Variants in PCDHGA6 observed in about 807,000 individuals in gnomAD.
PCDHGA6 encodes protocadherin gamma-A6.
PCDHGA6 carries 41 observed loss-of-function variants against 60.6 expected under a neutral mutation model. That is an observed-to-expected ratio of 0.68 (90% CI 0.53 to 0.88). PCDHGA6 has a LOEUF of 0.88. Ranked by LOEUF, PCDHGA6 falls within the 40% of genes least tolerant of loss-of-function variation. The pLI is 0.00. For missense variants in PCDHGA6, 1,312 were observed against 1,203.0 expected (o/e 1.09, Z -1.34); for synonymous variants, 594 against 524.4 (o/e 1.13, Z -1.81).
chr5:141,445,075 A>G (rs1251499929), intron 1 of PCDHGA6, among the ~76,000 whole-genome samples: 1 of 152,170 alleles, frequency 6.6e-6, no homozygotes, highest in East Asian at 1.9e-4. Context: ...TTCTCATTAA[A>G]TTGTCCCTAC....
chr5:141,418,372 A>T (rs771262387), intron 1 of PCDHGA6: 25 of 1,613,968 alleles, frequency 1.5e-5, no homozygotes, highest in Non-Finnish European at 2.1e-5. Flanking sequence ...GCAAATACCA[A>T]CTAAGTCCTA....
intron 1 of PCDHGA6, among the ~76,000 whole-genome samples, chr5:141,381,826 C>CTTCTTTTTTT (rs1777532522): frequency 3.1e-4 from 23 of 74,294 alleles, no homozygotes; most frequent in African/African-American, 1.4e-3. Context: ...CTTTCTTCTT[C>CTTCTTTTTTT]TTTTTTTTTT....
intron 1 of PCDHGA6, among the ~76,000 whole-genome samples, chr5:141,468,064 C>T (rs1026571562): frequency 3.3e-5 from 5 of 152,076 alleles, no homozygotes; most frequent in Non-Finnish European, 7.4e-5. Flanking sequence ...GTGGCTCACA[C>T]CTGTAATCCC....
chr5:141,393,656 C>T (rs762750239), intron 1 of PCDHGA6: 2 of 1,613,868 alleles, frequency 1.2e-6, no homozygotes, highest in East Asian at 4.5e-5. Context: ...CATACAAATT[C>T]CGGAAAATTA....
In PCDHGA6 at chr5:141,432,262, A is replaced by G; in HGVS notation, c.2424+55755A>G. 1.9e-6 allele frequency: 3 copies of G among 1,614,222 alleles called. No homozygotes were observed. Among genetic ancestry groups the G allele is most frequent in the Non-Finnish European group, 2.5e-6 (3 of 1,180,036 alleles). On this transcript the variant is annotated intron_variant, in intron 1 of 3. Coordinates refer to ENST00000517434, the MANE Select transcript of PCDHGA6 (RefSeq NM_018919.3). This position sits in a 1 kb window ranked among gnomAD's most constrained non-coding sequence, Gnocchi z 6.0. ...AGAACACCATCCAAGGGGCAAGCCT[A>G]TCGTCCTACGTGTCCATCAACTCCG...
chr5:141,419,479 C>A, intron 1 of PCDHGA6: 2 of 1,612,390 alleles, frequency 1.2e-6, no homozygotes, highest in Non-Finnish European at 1.7e-6. Flanking sequence ...AGGGCTCGCC[C>A]GCGCTCAGCG....
chr5:141,500,444 C>T (rs1032064705), intron 2 of PCDHGA6, among the ~76,000 whole-genome samples: 3 of 151,370 alleles, frequency 2.0e-5, no homozygotes, highest in African/African-American at 4.9e-5. Context: ...CTCCTGACCT[C>T]GTGATCCGCC....
At chr5:141,381,743 C>T (rs9324849) in intron 1 of PCDHGA6, among the ~76,000 whole-genome samples, 4,143 of 151,894 alleles carry the variant, frequency 0.027, 183 homozygotes, top group African/African-American at 0.096. Flanking sequence ...ATTTGGATTC[C>T]GACATTGTTC....
Position 141,485,966 on chromosome 5 carries a change from A to T in PCDHGA6, c.2425-8841A>T. ...AGCGGGCATGGTGCTCATCCAGCTC[A>T]ATGCCTCAGACCCGGACCTGGGTCC... On this transcript the variant is annotated intron_variant, in intron 1 of 3. Coordinates refer to ENST00000517434, the MANE Select transcript of PCDHGA6 (RefSeq NM_018919.3). The surrounding 1 kb of genome is among the most constrained non-coding windows in gnomAD (Gnocchi z 5.7). 1 of 1,614,168 alleles carries T rather than the reference A, an allele frequency of 6.2e-7. No individual in the cohort carries two copies. Among genetic ancestry groups the T allele is most frequent in the Non-Finnish European group, 8.5e-7 (1 of 1,179,988 alleles).
At chr5:141,479,685 G>A (rs749895405) in intron 1 of PCDHGA6, 3 of 152,248 alleles carry the variant, frequency 2.0e-5, no homozygotes, top group Non-Finnish European at 4.4e-5. Flanking sequence ...AGTCTTTTTG[G>A]TGCCTCCAGT....
At position 141,374,223 on chromosome 5, in the gene PCDHGA6, A is replaced by G. The variant is rs761001587; in HGVS notation, c.140A>G (p.Asn47Ser). 1.2e-6 allele frequency: 2 copies of G among 1,614,020 alleles called. No homozygotes were observed. The highest frequency in any genetic ancestry group is 2.2e-5 in the South Asian group (2 of 91,090). Residue 47 changes from asparagine (N) to serine (S), a missense_variant, in exon 1 of 4, where the codon AAC (asparagine) becomes AGC (serine). Coordinates refer to ENST00000517434, the MANE Select transcript of PCDHGA6 (RefSeq NM_018919.3). ...CTGGAGAAAGGCTCCTTCGTAGGCAACATCGTCAAGGATCTGGGACTGGAG... is the reference window on the plus strand; with the variant it reads ...CTGGAGAAAGGCTCCTTCGTAGGCAGCATCGTCAAGGATCTGGGACTGGAG... Reference protein sequence around the residue: ...EELEKGSFVGNIVKDLGLEPQ... With the variant: ...EELEKGSFVGSIVKDLGLEPQ...
chr5:141,415,649 A>G (rs1179309556), intron 1 of PCDHGA6: 1 of 1,597,606 alleles, frequency 6.3e-7, no homozygotes, highest in Non-Finnish European at 8.5e-7. Context: ...GTTAAAAAAA[A>G]AAAGATTGGT....
At chr5:141,410,011 G>A in intron 1 of PCDHGA6, 1 of 1,613,302 alleles carries the variant, frequency 6.2e-7, no homozygotes, top group Non-Finnish European at 8.5e-7. Context: ...ACAACGCCTG[G>A]CTGTCCTACC....
intron 1 of PCDHGA6, among the ~76,000 whole-genome samples, chr5:141,453,999 A>C (rs1561953352): frequency 6.6e-6 from 1 of 152,258 alleles, no homozygotes; most frequent in South Asian, 2.1e-4. Flanking sequence ...ATAAACCCAC[A>C]TAACATTTTA....
At position 141,489,297 on chromosome 5, in the gene PCDHGA6, G is replaced by A. The variant is rs184934961; in HGVS notation, c.2425-5510G>A. 5.1e-6 allele frequency: 8 copies of A among 1,583,774 alleles called. No homozygotes were observed. Among genetic ancestry groups the A allele is most frequent in the Non-Finnish European group, 6.9e-6 (8 of 1,164,904 alleles). ...GGAAATGGCAAGTGCTGTGCATGTT[G>A]TCCTTGTGCTGCTGGGGCTGGGTGT... is the stretch of plus-strand genomic sequence containing the variant. On this transcript the variant is annotated intron_variant, in intron 1 of 3. Coordinates refer to ENST00000517434, the MANE Select transcript of PCDHGA6 (RefSeq NM_018919.3). This position sits in a 1 kb window ranked among gnomAD's most constrained non-coding sequence, Gnocchi z 4.5.
At chr5:141,413,454 G>A (rs765318722) in intron 1 of PCDHGA6, 46 of 1,614,026 alleles carry the variant, frequency 2.9e-5, no homozygotes, top group Non-Finnish European at 3.7e-5. Flanking sequence ...CCGCGGGCAG[G>A]ATAGACCGGG....
chr5:141,501,530 G>T (rs556760554), intron 2 of PCDHGA6, among the ~76,000 whole-genome samples: 1 of 151,998 alleles, frequency 6.6e-6, no homozygotes, highest in East Asian at 1.9e-4. Flanking sequence ...AGCCCAGTAC[G>T]TTGTTGTGCA....
intron 1 of PCDHGA6, chr5:141,384,825 C>G (rs570988671): frequency 6.2e-7 from 1 of 1,613,356 alleles, no homozygotes; most frequent in Non-Finnish European, 8.5e-7. Context: ...AGCAGAGCCT[C>G]GTGGTGGCCG....
intron 1 of PCDHGA6, chr5:141,403,323 C>G: frequency 6.2e-7 from 1 of 1,613,958 alleles, no homozygotes; most frequent in Non-Finnish European, 8.5e-7. Flanking sequence ...ATAGAAGTAA[C>G]TGATATTAAC....
Sources: allele counts gnomAD v4.1 joint callset (sites outside exome capture counted in the v4.1 genomes callset), GRCh38; gene constraint gnomAD v4.1.1; non-coding constraint Gnocchi (gnomAD v3.1); transcripts MANE v1.5; gene names NCBI Gene and HGNC (gene_info 2026-07-23, HGNC 2026-07-21).